The following ATP8B2 variants were observed in gnomAD, a reference collection of about 807,000 sequenced individuals.
ATP8B2 encodes phospholipid-transporting ATPase ID.
In ATP8B2, 70 loss-of-function variants were observed where a neutral mutation model predicts 133.4. The ratio of observed to expected loss-of-function variants is 0.52; its 90% confidence interval spans 0.43 to 0.64. ATP8B2 has a LOEUF of 0.64. Among genes scored for constraint, ATP8B2 ranks in the 30% least tolerant of loss-of-function variants. The pLI, the probability that ATP8B2 is intolerant of heterozygous loss-of-function variation, is 0.00. For missense variants in ATP8B2, 1,101 were observed against 1,535.7 expected, an observed-to-expected ratio of 0.72 and a Z score of 4.73; for synonymous variants, 517 against 589.5, an observed-to-expected ratio of 0.88 and a Z score of 1.78.
At position 154,344,663 on chromosome 1, in the gene ATP8B2, G is replaced by A. The variant is rs1427176772; in HGVS notation, c.2164G>A (p.Asp722Asn). ...ELRKAREKMMDSSRSVGNGFT... is the reference protein window; with the variant it reads ...ELRKAREKMMNSSRSVGNGFT... ...CAGGAAAGCCCGGGAGAAGATGATGGACTCATCCCGCTCCGTAGGCAACGG... is the reference window on the plus strand; with the variant it reads ...CAGGAAAGCCCGGGAGAAGATGATGAACTCATCCCGCTCCGTAGGCAACGG... The change falls in exon 21 of 28, where the codon GAC becomes AAC. Residue 722 changes from aspartate (D) to asparagine (N), a missense_variant. Asp to Asn is a conservative substitution (Grantham distance 23). Transcript: ENST00000368489. The surrounding 1 kb of genome is among the most constrained non-coding windows in gnomAD (Gnocchi z 4.1). The A allele has an allele frequency of 6.2e-7, 1 of 1,611,020 alleles. No individual in the cohort carries two copies. Among genetic ancestry groups the A allele is most frequent in the Non-Finnish European group, 8.5e-7 (1 of 1,177,400 alleles).
chr1:154,343,306 G>C lies in ATP8B2; in HGVS notation c.1642+5G>C. 1.2e-6 allele frequency: 2 copies of C among 1,613,940 alleles called. No homozygotes were observed. Among genetic ancestry groups the C allele is most frequent in the Non-Finnish European group, 1.7e-6 (2 of 1,179,900 alleles). ...GCAAGCGGATGTCGGTCATAGGTGA[G>C]GCCAGGCCTGGGGTGCTGGGGCGTT... On this transcript the variant is annotated splice_donor_5th_base_variant and intron_variant, in intron 16 of 27. Coordinates refer to ENST00000368489, the MANE Select transcript of ATP8B2 (RefSeq NM_001370597.1). The surrounding 1 kb of genome is among the most constrained non-coding windows in gnomAD (Gnocchi z 5.8).
chr1:154,327,767 C>G, intron 1 of ATP8B2: 4 of 1,603,130 alleles, frequency 2.5e-6, no homozygotes, highest in Non-Finnish European at 2.6e-6. Flanking sequence ...CTCATTGCCG[C>G]CAGAACACAT....
Position 154,344,874 on chromosome 1 carries a change from T to G in ATP8B2, c.2286+89T>G. 2 of 1,544,334 alleles carry G rather than the reference T, an allele frequency of 1.3e-6. No homozygotes were observed. The highest frequency in any genetic ancestry group is 1.7e-6 in the Non-Finnish European group (2 of 1,144,220). On this transcript the variant is annotated intron_variant, in intron 21 of 27. Transcript: ENST00000368489. This position sits in a 1 kb window ranked among gnomAD's most constrained non-coding sequence, Gnocchi z 4.1. Reference sequence around the variant, plus strand: ...TATATCTTGTTCTAATTTCCCCTGATTTCAGAGAAGACTGGTCTCAAAGGG... The same window carrying G: ...TATATCTTGTTCTAATTTCCCCTGAGTTCAGAGAAGACTGGTCTCAAAGGG...
At chr1:154,348,303 G>A in intron 26 of ATP8B2, 105 bp from the exon 27 acceptor site, 1 of 1,269,816 alleles carries the variant, frequency 7.9e-7, no homozygotes, top group Non-Finnish European at 1.1e-6. Context: ...CGGGAAGCCA[G>A]AGGTGACTTA....
intron 1 of ATP8B2, 149 bp from the exon 2 acceptor site, chr1:154,327,956 T>A (rs942349242): frequency 8.5e-6 from 13 of 1,530,320 alleles, no homozygotes; most frequent in Non-Finnish European, 1.0e-5. Context: ...CAGGAACCCA[T>A]CATGGCAGTA....
chr1:154,345,894 G>A lies in ATP8B2; in HGVS notation c.2778+11G>A. On this transcript the variant is annotated intron_variant, in intron 24 of 27. Transcript: ENST00000368489. The surrounding 1 kb of genome is among the most constrained non-coding windows in gnomAD (Gnocchi z 5.6). ...GGGGTCTTTGATCAGGTATGGGGGA[G>A]TTTGATGATCAGATGGGATGCGGGG... 6.3e-7 allele frequency: 1 copy of A among 1,596,266 alleles called. No homozygotes were observed. The highest frequency in any genetic ancestry group is 8.6e-7 in the Non-Finnish European group (1 of 1,163,902).
intron 12 of ATP8B2, among the ~76,000 whole-genome samples, chr1:154,339,952 C>T (rs1464233714): frequency 3.3e-5 from 5 of 152,024 alleles, no homozygotes; most frequent in African/African-American, 4.8e-5. Flanking sequence ...GCGGTGGAGG[C>T]GGGAGGATCT....
In ATP8B2 at chr1:154,328,853, G is replaced by A. The variant is rs1570844814; in HGVS notation, c.31+681G>A. ...CGGGAGGATGGCCTGGGCTGCGGGT[G>A]GGGCGCGCGCCCGACGGCTGGGGCT... On this transcript the variant is annotated intron_variant, in intron 2 of 27. Transcript: ENST00000368489. The surrounding 1 kb of genome is among the most constrained non-coding windows in gnomAD (Gnocchi z 4.6). 1.8e-6 allele frequency: 2 copies of A among 1,142,314 alleles called. No individual in the cohort carries two copies. Among genetic ancestry groups the A allele is most frequent in the Non-Finnish European group, 2.2e-6 (2 of 914,966 alleles). The allele number at this position is 1,142,314 out of a possible 1,614,324, so 70.8% of individuals were successfully genotyped here. A position where few individuals can be genotyped will look rare whatever the true frequency, so the allele number is the denominator to read the frequency against.
intron 13 of ATP8B2, 87 bp downstream of exon 13, chr1:154,341,149 T>C: frequency 7.1e-7 from 1 of 1,401,568 alleles, no homozygotes; most frequent in East Asian, 2.4e-5. Context: ...TTAACATTGG[T>C]TTTTTCTTCC....
At position 154,345,310 on chromosome 1, in the gene ATP8B2, T is replaced by A; in HGVS notation, c.2471-12T>A. On this transcript the variant is annotated splice_polypyrimidine_tract_variant and intron_variant, in intron 22 of 27. Transcript: ENST00000368489. This position sits in a 1 kb window ranked among gnomAD's most constrained non-coding sequence, Gnocchi z 5.6. ...GCCATCTTCACCCTCTTGTCATCTC[T>A]TGTCTCTGCAGCGGCTCACATTGGT... The A allele has an allele frequency of 6.2e-7, 1 of 1,613,738 alleles. No homozygotes were observed. Among genetic ancestry groups the A allele is most frequent in the Non-Finnish European group, 8.5e-7 (1 of 1,179,932 alleles).
At position 154,334,060 on chromosome 1, in the gene ATP8B2, G is replaced by A; in HGVS notation, c.590-47G>A. The A allele has an allele frequency of 6.2e-7, 1 of 1,601,612 alleles. No homozygotes were observed. The highest frequency in any genetic ancestry group is 8.5e-7 in the Non-Finnish European group (1 of 1,170,894). ...TCTTTGTTTTATTGTCTTGTGGTTAGGCTGTAGACTGGACCTTAAGCAGTG... is the reference window on the plus strand; with the variant it reads ...TCTTTGTTTTATTGTCTTGTGGTTAAGCTGTAGACTGGACCTTAAGCAGTG... On this transcript the variant is annotated intron_variant, in intron 9 of 27. Coordinates refer to ENST00000368489, the MANE Select transcript of ATP8B2 (RefSeq NM_001370597.1). The surrounding 1 kb of genome is among the most constrained non-coding windows in gnomAD (Gnocchi z 4.6).
In ATP8B2 at chr1:154,334,150, C is replaced by T; in HGVS notation, c.633C>T (p.Phe211=). ...CEPPNNKLDK[F]SGTLYWKENK... ...CTCCCAACAACAAACTGGACAAATT[C>T]AGCGGAACCCTCTACTGGAAGGAAA... The change falls in exon 10 of 28, where the codon TTC becomes TTT. Residue 211 remains phenylalanine (F), a synonymous_variant. Coordinates refer to ENST00000368489, the MANE Select transcript of ATP8B2 (RefSeq NM_001370597.1). This position sits in a 1 kb window ranked among gnomAD's most constrained non-coding sequence, Gnocchi z 4.6. 3 of 1,614,192 alleles carry T rather than the reference C, an allele frequency of 1.9e-6. No individual in the cohort carries two copies. Among genetic ancestry groups the T allele is most frequent in the Non-Finnish European group, 2.5e-6 (3 of 1,180,036 alleles).
chr1:154,341,335 A>G, intron 13 of ATP8B2: 2 of 486,508 alleles, frequency 4.1e-6, no homozygotes, highest in Non-Finnish European at 7.5e-6. Flanking sequence ...AAATTTAAAA[A>G]TTAGCCAGGT....
chr1:154,331,864 C>A lies in ATP8B2; in HGVS notation c.439-90C>A. On this transcript the variant is annotated intron_variant, in intron 7 of 27. Transcript: ENST00000368489. The surrounding 1 kb of genome is among the most constrained non-coding windows in gnomAD (Gnocchi z 4.8). ...ATTTATGCACCTGGAACTAAGCAAA[C>A]CAAGAATGCTTAGTGGAAGGAGCCA... 7.0e-7 allele frequency: 1 copy of A among 1,421,416 alleles called. No homozygotes were observed. The highest frequency in any genetic ancestry group is 9.9e-7 in the Non-Finnish European group (1 of 1,007,182). The allele number at this position is 1,421,416 out of a possible 1,614,324, so 88.1% of individuals were successfully genotyped here.
chr1:154,347,753 C>T (rs1180085075), intron 26 of ATP8B2, among the ~76,000 whole-genome samples: 1 of 152,016 alleles, frequency 6.6e-6, no homozygotes, highest in Non-Finnish European at 1.5e-5. Flanking sequence ...CCAGCCTGAC[C>T]CACATGGAGA....
rs980295544 is a variant in ATP8B2, at chr1:154,331,358, T to G, written c.304-86T>G. On this transcript the variant is annotated intron_variant, in intron 5 of 27. Coordinates refer to ENST00000368489, the MANE Select transcript of ATP8B2 (RefSeq NM_001370597.1). This position sits in a 1 kb window ranked among gnomAD's most constrained non-coding sequence, Gnocchi z 4.8. ...TTGTGATGGGGTGTGTATGAGGCGT[T>G]AACCAGCATGCTCTGAGTTCTACTG... The G allele has an allele frequency of 1.1e-5, 16 of 1,456,598 alleles. No individual in the cohort carries two copies. Among genetic ancestry groups the G allele is most frequent in the Non-Finnish European group, 1.5e-5 (16 of 1,040,632 alleles). The allele number at this position is 1,456,598 out of a possible 1,614,324, so 90.2% of individuals were successfully genotyped here.
At chr1:154,326,307 C>G (rs1053802695) in intron 1 of ATP8B2, among the ~76,000 whole-genome samples, 5 of 152,168 alleles carry the variant, frequency 3.3e-5, no homozygotes, top group African/African-American at 1.2e-4. Context: ...ACCTGCCATC[C>G]TCCTCTGAAA....
intron 2 of ATP8B2, among the ~76,000 whole-genome samples, chr1:154,330,088 G>A (rs543142810): frequency 6.6e-6 from 1 of 152,346 alleles, no homozygotes; most frequent in South Asian, 2.1e-4. Context: ...GGAATCCCAG[G>A]ACTGTCAGTG....
chr1:154,332,548 A>G, intron 8 of ATP8B2, 70 bp from the exon 9 acceptor site: 1 of 1,249,630 alleles, frequency 8.0e-7, no homozygotes, highest in Non-Finnish European at 1.1e-6. Context: ...GCAGAGCGAG[A>G]CCCCATCTGT....
Sources: allele counts gnomAD v4.1 joint callset (sites outside exome capture counted in the v4.1 genomes callset), GRCh38; gene constraint gnomAD v4.1.1; non-coding constraint Gnocchi (gnomAD v3.1); transcripts MANE v1.5; gene names NCBI Gene and HGNC (gene_info 2026-07-23, HGNC 2026-07-21).